Variants in CDH13 observed in about 807,000 individuals in gnomAD.
CDH13 encodes the protein cadherin-13.
CDH13 carries 24 observed loss-of-function variants against 63.8 expected under a neutral mutation model. The ratio of observed to expected loss-of-function variants is 0.38; its 90% CI spans 0.27 to 0.53. The LOEUF (loss-of-function observed/expected upper bound fraction) is 0.53. CDH13 is among the 20% of genes least tolerant of loss of function. CDH13 has a pLI of 0.85. For missense variants in CDH13, 1,049 were observed against 903.1 expected (o/e 1.16, Z -2.07); for synonymous variants, 503 against 355.3 (o/e 1.42, Z -4.67).
chr16:83,005,244 A>G (rs543469753), intron 2 of CDH13, among the ~76,000 whole-genome samples: 2 of 152,154 alleles, frequency 1.3e-5, no homozygotes, highest in Admixed American at 6.5e-5. Context: ...GGATTTTTGG[A>G]TGATTATTTC....
intron 1 of CDH13, among the ~76,000 whole-genome samples, 175 bp from the exon 2 acceptor site, chr16:82,858,187 A>T (rs998402335): frequency 1.3e-5 from 2 of 152,334 alleles, no homozygotes; most frequent in African/African-American, 4.8e-5. Flanking sequence ...GTATTCTCCA[A>T]ATCTCAGTGC....
At chr16:83,468,902 A>T (rs2073386609) in intron 6 of CDH13, among the ~76,000 whole-genome samples, 1 of 152,082 alleles carries the variant, frequency 6.6e-6, no homozygotes, top group Non-Finnish European at 1.5e-5. Context: ...GCCCAGTGTA[A>T]ACTTTGATCT....
intron 2 of CDH13, among the ~76,000 whole-genome samples, chr16:82,999,790 G>C (rs72794145): frequency 0.16 from 24,532 of 152,056 alleles, 2,376 homozygotes; most frequent in African/African-American, 0.26. Flanking sequence ...ATATATCTCT[G>C]TCCTCATCAA....
At position 83,120,804 on chromosome 16, in the gene CDH13, C is replaced by T. The variant is rs539550597; in HGVS notation, c.367-4581C>T. 6.6e-5 allele frequency among the ~76,000 whole-genome samples: 9 copies of T among 135,362 alleles called. No individual in the cohort carries two copies. The South Asian group carries it at 1.9e-3, about 29-fold the overall frequency. 88.8% of individuals were successfully genotyped at this position (135,362 alleles called of 152,430 possible). On this transcript the variant is annotated intron_variant, in intron 3 of 13. Coordinates refer to ENST00000567109, the MANE Select transcript of CDH13 (RefSeq NM_001257.5). ...TCTGAGATGGAGTCTCACCGTGTCA[C>T]CCAGGCTGGAGTACAGTGGCGCGAT... is the stretch of plus-strand genomic sequence containing the variant.
At chr16:83,484,232 A>T (rs1289923186) in intron 6 of CDH13, among the ~76,000 whole-genome samples, 1 of 152,226 alleles carries the variant, frequency 6.6e-6, no homozygotes, top group Non-Finnish European at 1.5e-5. Flanking sequence ...CTATGGAAGG[A>T]AAAGGAATTC....
chr16:83,401,952 C>T (rs1214090427), intron 6 of CDH13, among the ~76,000 whole-genome samples: 1 of 152,122 alleles, frequency 6.6e-6, no homozygotes, highest in Non-Finnish European at 1.5e-5. Context: ...AGCTTGAGGT[C>T]TTGAGAAGTC....
intron 6 of CDH13, among the ~76,000 whole-genome samples, chr16:83,457,157 T>C (rs1445629554): frequency 6.6e-6 from 1 of 152,144 alleles, no homozygotes; most frequent in Non-Finnish European, 1.5e-5. Flanking sequence ...TGGTATGACC[T>C]TGGCGAGCTC....
chr16:82,992,048 C>A (rs1911718454), intron 2 of CDH13, among the ~76,000 whole-genome samples: 1 of 152,012 alleles, frequency 6.6e-6, no homozygotes, highest in Non-Finnish European at 1.5e-5. Flanking sequence ...CTGAAAGGAG[C>A]ATTGAGGAAG....
intron 1 of CDH13, among the ~76,000 whole-genome samples, chr16:82,630,771 A>T (rs993435794): frequency 6.6e-6 from 1 of 152,216 alleles, no homozygotes; most frequent in Non-Finnish European, 1.5e-5. Context: ...CAAACTATGG[A>T]TTTAATTTAC....
intron 2 of CDH13, among the ~76,000 whole-genome samples, chr16:83,018,703 A>C (rs1472277018): frequency 6.6e-6 from 1 of 151,658 alleles, no homozygotes; most frequent in Non-Finnish European, 1.5e-5. Flanking sequence ...AGACTTACAC[A>C]AACCTAGAGG....
intron 5 of CDH13, among the ~76,000 whole-genome samples, chr16:83,291,973 G>A (rs780657439): frequency 2.0e-5 from 3 of 152,058 alleles, no homozygotes; most frequent in Admixed American, 2.0e-4. Context: ...TGCTCCCAAT[G>A]GTCATGAGTT....
chr16:83,042,353 C>T (rs1222398668), intron 3 of CDH13, among the ~76,000 whole-genome samples: 1 of 152,110 alleles, frequency 6.6e-6, no homozygotes, highest in Non-Finnish European at 1.5e-5. Context: ...GGAGTGTGAA[C>T]CCTATTGTAA....
At chr16:82,914,238 C>T (rs965377919) in intron 2 of CDH13, among the ~76,000 whole-genome samples, 4 of 152,006 alleles carry the variant, frequency 2.6e-5, no homozygotes, top group Admixed American at 6.5e-5. Context: ...CCTCCCAGGG[C>T]CCATTTGTTA....
intron 3 of CDH13, among the ~76,000 whole-genome samples, chr16:83,105,854 G>C (rs951389100): frequency 6.6e-6 from 1 of 152,190 alleles, no homozygotes; most frequent in African/African-American, 2.4e-5. Context: ...TGAAGACCAG[G>C]AGGGAGAAAG....
intron 4 of CDH13, among the ~76,000 whole-genome samples, chr16:83,211,167 AC>A (rs1325957921): frequency 4.6e-5 from 7 of 151,562 alleles, no homozygotes; most frequent in Admixed American, 2.6e-4. Context: ...AAAAAAAGGT[AC>A]TAGAAAAACT....
intron 5 of CDH13, among the ~76,000 whole-genome samples, chr16:83,332,299 T>C (rs2090497538): frequency 6.6e-6 from 1 of 152,142 alleles, no homozygotes; most frequent in Non-Finnish European, 1.5e-5. Flanking sequence ...TTCTCCCCTG[T>C]ATTACTTAAA....
chr16:82,811,422 C>G (rs1283267535), intron 1 of CDH13, among the ~76,000 whole-genome samples: 8 of 152,106 alleles, frequency 5.3e-5, no homozygotes, highest in Non-Finnish European at 4.4e-5. Context: ...GAGTATGAAT[C>G]CCATTTCAGG....
intron 2 of CDH13, among the ~76,000 whole-genome samples, chr16:82,860,055 A>T (rs1268720668): frequency 6.6e-6 from 1 of 152,182 alleles, no homozygotes; most frequent in African/African-American, 2.4e-5. Context: ...CAGAATCAAT[A>T]TATTTCAAAC....
intron 1 of CDH13, among the ~76,000 whole-genome samples, chr16:82,696,168 G>A (rs1423661962): frequency 1.3e-5 from 2 of 152,058 alleles, no homozygotes; most frequent in Non-Finnish European, 2.9e-5. Context: ...TGCTGTCTAA[G>A]TAAAAAAAGA....
Sources: gnomAD v4.1 joint callset for allele counts (sites outside exome capture counted in the v4.1 genomes callset) on GRCh38, gnomAD v4.1.1 for gene constraint, MANE v1.5 for transcripts, NCBI Gene and HGNC (gene_info 2026-07-23, HGNC 2026-07-21) for gene names.